SPIRE1: variants seen among roughly 807,000 people sequenced by gnomAD.
SPIRE1 encodes spire type actin nucleation factor 1.
In SPIRE1, 40 loss-of-function variants were observed where a neutral mutation model predicts 94.1. The ratio of observed to expected loss-of-function variants is 0.43; its 90% CI spans 0.33 to 0.55. SPIRE1 has a LOEUF of 0.55. SPIRE1 is among the 20% of genes least tolerant of loss of function. The pLI is 0.06. For synonymous variants in SPIRE1, 376 were observed against 371.7 expected, an observed-to-expected ratio of 1.01 and a Z score of -0.13; for missense variants, 838 against 975.2, an observed-to-expected ratio of 0.86 and a Z score of 1.87.
At chr18:12,470,375 T>C (rs1016740384) in intron 10 of SPIRE1, among the ~76,000 whole-genome samples, 11 of 152,192 alleles carry the variant, frequency 7.2e-5, no homozygotes, top group African/African-American at 2.7e-4. Context: ...GTTACAGATA[T>C]AAAGAATTGT....
chr18:12,615,345 A>AATAT (rs71174107), intron 2 of SPIRE1, among the ~76,000 whole-genome samples: 93 of 17,184 alleles, frequency 5.4e-3, no homozygotes, highest in Non-Finnish European at 0.01. Flanking sequence ...AAAAAAAAAA[A>AATAT]ATATATATAT....
At chr18:12,577,649 T>G (rs948963003) in intron 2 of SPIRE1, among the ~76,000 whole-genome samples, 1 of 152,172 alleles carries the variant, frequency 6.6e-6, no homozygotes, top group South Asian at 2.1e-4. Flanking sequence ...AAATAAAAAG[T>G]TGACAAATTA....
intron 3 of SPIRE1, among the ~76,000 whole-genome samples, chr18:12,545,806 A>G (rs1405096719): frequency 6.6e-6 from 1 of 152,188 alleles, no homozygotes; most frequent in Non-Finnish European, 1.5e-5. Context: ...TTTACTCTAG[A>G]AAAAGGAAAT....
intron 2 of SPIRE1, among the ~76,000 whole-genome samples, chr18:12,586,678 TTTATA>T (rs201948812): frequency 6.6e-6 from 1 of 152,312 alleles, no homozygotes; most frequent in East Asian, 1.9e-4. Flanking sequence ...TTATAGTGAA[TTTATA>T]TTATATAAAT....
intron 7 of SPIRE1, among the ~76,000 whole-genome samples, chr18:12,494,548 G>A (rs549301754): frequency 1.3e-5 from 2 of 151,906 alleles, no homozygotes; most frequent in Non-Finnish European, 2.9e-5. Flanking sequence ...AAAAAACCTC[G>A]GCCGGGCACG....
chr18:12,492,055 CTCTA>C (rs1257190950), intron 8 of SPIRE1, among the ~76,000 whole-genome samples: 2 of 152,160 alleles, frequency 1.3e-5, no homozygotes, highest in Non-Finnish European at 2.9e-5. Flanking sequence ...TATGATAAGG[CTCTA>C]TCTAGCAGAC....
At chr18:12,603,124 T>A (rs2036883529) in intron 2 of SPIRE1, among the ~76,000 whole-genome samples, 1 of 152,196 alleles carries the variant, frequency 6.6e-6, no homozygotes, top group Non-Finnish European at 1.5e-5. Context: ...GGCAAAATCA[T>A]CTAACACAAA....
intron 5 of SPIRE1, among the ~76,000 whole-genome samples, chr18:12,510,166 T>C (rs1231646926): frequency 3.3e-5 from 5 of 151,658 alleles, no homozygotes; most frequent in Admixed American, 2.0e-4. Context: ...AACTAGTCTA[T>C]AGTCACAGAA....
chr18:12,506,701 G>T, intron 5 of SPIRE1, 60 bp from the exon 6 acceptor site: 1 of 1,458,932 alleles, frequency 6.9e-7, no homozygotes, highest in Non-Finnish European at 9.5e-7. Flanking sequence ...CTTCTAAACA[G>T]CTAGTCATAC....
intron 16 of SPIRE1, among the ~76,000 whole-genome samples, chr18:12,450,292 A>C (rs1301240196): frequency 6.6e-6 from 1 of 152,008 alleles, no homozygotes; most frequent in African/African-American, 2.4e-5. Flanking sequence ...CCGGGAGGTG[A>C]AGGTTGCAGT....
chr18:12,455,970 A>T (rs1341210082), intron 12 of SPIRE1, among the ~76,000 whole-genome samples: 2 of 152,224 alleles, frequency 1.3e-5, no homozygotes, highest in Admixed American at 1.3e-4. Context: ...TAGTCTGAAG[A>T]ACTACTGCTT....
intron 8 of SPIRE1, among the ~76,000 whole-genome samples, chr18:12,490,772 G>A (rs1247747642): frequency 6.6e-6 from 1 of 152,090 alleles, no homozygotes; most frequent in Non-Finnish European, 1.5e-5. Context: ...ATTAGGAATA[G>A]AAGGAAATTA....
At chr18:12,476,325 G>A (rs1397918092) in intron 10 of SPIRE1, among the ~76,000 whole-genome samples, 1 of 151,730 alleles carries the variant, frequency 6.6e-6, no homozygotes, top group Non-Finnish European at 1.5e-5. Context: ...GATCACTTGA[G>A]GTCAGGAGTT....
intron 2 of SPIRE1, among the ~76,000 whole-genome samples, chr18:12,624,932 A>G (rs1370639583): frequency 2.0e-5 from 3 of 152,132 alleles, no homozygotes; most frequent in East Asian, 3.9e-4. Flanking sequence ...CTTCAGATAT[A>G]GTAAAAACTA....
At chr18:12,661,297 A>T, upstream of SPIRE1, 1 of 842,020 alleles carries the variant, frequency 1.2e-6, no homozygotes, top group Non-Finnish European at 1.4e-6. Flanking sequence ...GACAAGAGTG[A>T]GCCTTCATCT....
chr18:12,600,273 A>G (rs771790033), intron 2 of SPIRE1, among the ~76,000 whole-genome samples: 1 of 152,172 alleles, frequency 6.6e-6, no homozygotes, highest in Non-Finnish European at 1.5e-5. Flanking sequence ...GGACCCAGCT[A>G]AGCCAGGCCA....
rs1163975590 is a variant in SPIRE1 at position 12,657,658 on chromosome 18, C to T, written c.209G>A (p.Arg70His). 3 of 1,326,740 alleles carry T rather than the reference C, an allele frequency of 2.3e-6. No individual in the cohort carries two copies. The highest frequency in any genetic ancestry group is 2.7e-4 in the Middle Eastern group (1 of 3,672). 82.2% of individuals were successfully genotyped at this position (1,326,740 alleles called of 1,614,324 possible). Reference protein sequence around the residue: ...AVCYQCCGSLRAAARRRQPRH... With the variant: ...AVCYQCCGSLHAAARRRQPRH... ...GGGCTGGCGGCGGCGGGCGGCGGCG[C>T]GCAGGGAACCGCAGCACTGGTAGCA... Residue 70 changes from arginine (R) to histidine (H), a missense_variant, in exon 1 of 17, where the codon CGC becomes CAC. Around this residue, in one of 2 missense-constraint regions of SPIRE1, gnomAD observed 193 missense variants for 170.5 expected, o/e 1.13. Transcript: ENST00000409402.
chr18:12,619,137 C>T (rs2144729858), intron 2 of SPIRE1, among the ~76,000 whole-genome samples: 1 of 152,184 alleles, frequency 6.6e-6, no homozygotes, highest in Non-Finnish European at 1.5e-5. Context: ...CTCAGGTGAT[C>T]CGCCCGCCAC....
At chr18:12,612,452 C>T (rs28513914) in intron 2 of SPIRE1, among the ~76,000 whole-genome samples, 82 of 152,280 alleles carry the variant, frequency 5.4e-4, no homozygotes, top group African/African-American at 1.8e-3. Flanking sequence ...TCTATTTACC[C>T]TCATTCCCTT....
Sources: gnomAD v4.1 joint callset for allele counts (sites outside exome capture counted in the v4.1 genomes callset) on GRCh38, gnomAD v4.1.1 for gene constraint, gnomAD v4.1.1 regional missense constraint, MANE v1.5 for transcripts, NCBI Gene and HGNC (gene_info 2026-07-23, HGNC 2026-07-21) for gene names.